LINGO1: variants seen among roughly 807,000 people sequenced by gnomAD.
LINGO1 encodes leucine-rich repeat and immunoglobulin-like domain-containing nogo receptor-interacting protein 1.
In LINGO1, 11 loss-of-function variants were observed where a neutral mutation model predicts 37.3. The ratio of observed to expected loss-of-function variants is 0.29; its 90% CI spans 0.19 to 0.49. LINGO1 has a LOEUF of 0.49. LINGO1 is among the 20% of genes least tolerant of loss of function. The probability of loss-of-function intolerance (pLI) is 0.99; values close to 1 mark genes in which losing one functional copy is unlikely to be tolerated. For synonymous variants in LINGO1, 387 were observed against 403.0 expected, an observed-to-expected ratio of 0.96 and a Z score of 0.48; for missense variants, 585 against 878.2, an observed-to-expected ratio of 0.67 and a Z score of 4.22.
intron 1 of LINGO1, among the ~76,000 whole-genome samples, chr15:77,737,260 A>G (rs1218019989): frequency 6.6e-6 from 1 of 152,212 alleles, no homozygotes; most frequent in Admixed American, 6.5e-5. Flanking sequence ...CCATTTACTC[A>G]GCACCTGTTG....
chr15:77,632,485 C>A lies in LINGO1; in HGVS notation c.-170G>T. 1 of 612,434 alleles carries A rather than the reference C, an allele frequency of 1.6e-6. No homozygotes were observed. Among genetic ancestry groups the A allele is most frequent in the South Asian group, 7.8e-5 (1 of 12,834 alleles). 37.9% of individuals were successfully genotyped at this position (612,434 alleles called of 1,614,324 possible). On this transcript the variant is annotated 5_prime_UTR_variant, in exon 1 of 2. Coordinates refer to ENST00000355300, the MANE Select transcript of LINGO1 (RefSeq NM_032808.7). The surrounding 1 kb of genome is among the most constrained non-coding windows in gnomAD (Gnocchi z 6.0). ...GGGGCTGGCTGTCCGTCTGTCCGCC[C>A]CGCGCGGGCGGGAGCCGAGCCGGAG...
In LINGO1 at chr15:77,743,825, G is replaced by T. The variant is rs1253234746; in HGVS notation, c.-256-8772C>A. On this transcript the variant is annotated intron_variant, in intron 1 of 3. Transcript: ENST00000561686. Reference sequence around the variant, plus strand: ...CTGCTGAAAGCCAGACTGCGGGGGTGGGGGAGTCCTCCCAATCTGGAACAG... The same window carrying T: ...CTGCTGAAAGCCAGACTGCGGGGGTTGGGGAGTCCTCCCAATCTGGAACAG... Among the ~76,000 whole-genome samples, 4 of 152,104 alleles carry T rather than the reference G, an allele frequency of 2.6e-5. No individual in the cohort carries two copies. The South Asian group carries it at 8.3e-4, about 32-fold the overall frequency.
chr15:77,705,772 G>A (rs2075845076), intron 2 of LINGO1, among the ~76,000 whole-genome samples: 1 of 152,250 alleles, frequency 6.6e-6, no homozygotes, highest in South Asian at 2.1e-4. Flanking sequence ...TTGCAGGGTG[G>A]CTGAGGCCTT....
chr15:77,624,161 CTCTG>C (rs1295879223), intron 1 of LINGO1, among the ~76,000 whole-genome samples: 3 of 44,732 alleles, frequency 6.7e-5, no homozygotes, highest in Non-Finnish European at 1.1e-4. Context: ...TGTGAGTGGC[CTCTG>C]TGTGTGTGTG....
intron 1 of LINGO1, among the ~76,000 whole-genome samples, chr15:77,804,406 A>G (rs2076942946): frequency 6.6e-6 from 1 of 152,128 alleles, no homozygotes; most frequent in African/African-American, 2.4e-5. Context: ...AGTCCCTAGA[A>G]GTAGATGGCC....
Position 77,614,028 on chromosome 15 carries a change from GC to G in LINGO1, c.*15del. ...CCTGCCCGGCCGCCCGGGGGTCCCTGCCCCCCGCCCCGGCCTCATATCATCT... is the reference window on the plus strand; with the variant it reads ...CCTGCCCGGCCGCCCGGGGGTCCCTGCCCCCGCCCCGGCCTCATATCATCT... On this transcript the variant is annotated 3_prime_UTR_variant, in exon 2 of 2. Coordinates refer to ENST00000355300, the MANE Select transcript of LINGO1 (RefSeq NM_032808.7). 3.2e-6 allele frequency: 5 copies of G among 1,549,052 alleles called. No homozygotes were observed. Among genetic ancestry groups the G allele is most frequent in the South Asian group, 1.2e-5 (1 of 84,414 alleles).
At chr15:77,693,984 T>A (rs1301786254) in intron 1 of LINGO1, among the ~76,000 whole-genome samples, 1 of 152,094 alleles carries the variant, frequency 6.6e-6, no homozygotes, top group Non-Finnish European at 1.5e-5. Context: ...GAGAAAAGAT[T>A]CCAGGGAAAC....
intron 1 of LINGO1, among the ~76,000 whole-genome samples, chr15:77,625,452 G>T (rs749567236): frequency 5.7e-4 from 87 of 152,186 alleles, no homozygotes; most frequent in Non-Finnish European, 9.4e-4. Context: ...CTTGCTCGGG[G>T]TCAGTGTTAG....
intron 3 of LINGO1, chr15:77,648,459 G>A (rs1469002872): frequency 1.3e-5 from 2 of 153,562 alleles, no homozygotes; most frequent in East Asian, 1.9e-4. Flanking sequence ...CTGAAAACTG[G>A]TGGAGCTGAG....
chr15:77,772,531 C>A (rs1265824019), intron 1 of LINGO1, among the ~76,000 whole-genome samples: 1 of 152,060 alleles, frequency 6.6e-6, no homozygotes, highest in African/African-American at 2.4e-5. Context: ...CAACCTGACA[C>A]CTTGGCTTCC....
At chr15:77,682,555 C>G (rs1309711769) in intron 2 of LINGO1, among the ~76,000 whole-genome samples, 1 of 151,998 alleles carries the variant, frequency 6.6e-6, no homozygotes, top group Non-Finnish European at 1.5e-5. Flanking sequence ...CATGTAGCCC[C>G]CCAAGCCAAA....
intron 2 of LINGO1, among the ~76,000 whole-genome samples, chr15:77,707,994 C>A (rs1318183649): frequency 2.0e-5 from 3 of 152,186 alleles, no homozygotes; most frequent in Non-Finnish European, 4.4e-5. Context: ...GGAACCCTGT[C>A]CCACAGTTTT....
In LINGO1 at chr15:77,794,502, A is replaced by G. The variant is rs188554355; in HGVS notation, c.-343+1437T>C. Among the ~76,000 whole-genome samples, 179 of 129,338 alleles carry G rather than the reference A, an allele frequency of 1.4e-3. 11 individuals are homozygous for G. Among genetic ancestry groups the G allele is most frequent in the African/African-American group, 5.0e-3 (160 of 32,176 alleles). 84.9% of individuals were successfully genotyped at this position (129,338 alleles called of 152,430 possible). On this transcript the variant is annotated intron_variant, in intron 2 of 5. Coordinates refer to the LINGO1 transcript ENST00000562933. ...TATATACATACATATATACGTATAT[A>G]TGTGTATATACATACATATATGTAT... is the stretch of plus-strand genomic sequence containing the variant.
chr15:77,727,288 C>T (rs995047079), intron 2 of LINGO1, among the ~76,000 whole-genome samples: 1 of 152,152 alleles, frequency 6.6e-6, no homozygotes, highest in African/African-American at 2.4e-5. Context: ...TATGTGCACA[C>T]TCATGTTCAT....
intron 1 of LINGO1, among the ~76,000 whole-genome samples, chr15:77,755,759 G>A (rs1364959271): frequency 6.6e-6 from 1 of 152,108 alleles, no homozygotes; most frequent in Non-Finnish European, 1.5e-5. Flanking sequence ...CTCCAGCTCT[G>A]TGCCTTTGTC....
rs1011082085 is a variant in LINGO1, at chr15:77,632,410, C to T, written c.-95G>A. The T allele has an allele frequency of 2.4e-6, 3 of 1,234,392 alleles. No individual in the cohort carries two copies. Among genetic ancestry groups the T allele is most frequent in the Non-Finnish European group, 2.0e-6 (2 of 976,446 alleles). 76.5% of individuals were successfully genotyped at this position (1,234,392 alleles called of 1,614,324 possible). On this transcript the variant is annotated 5_prime_UTR_variant, in exon 1 of 2. Coordinates refer to ENST00000355300, the MANE Select transcript of LINGO1 (RefSeq NM_032808.7). This position sits in a 1 kb window ranked among gnomAD's most constrained non-coding sequence, Gnocchi z 6.0. ...CCCAGCCCCTGCCCAGCCCCCTCCT[C>T]CGTTTCCTCCTCCTCCGACACCTCC... is the stretch of plus-strand genomic sequence containing the variant.
intron 1 of LINGO1, among the ~76,000 whole-genome samples, chr15:77,742,002 C>A (rs2076269278): frequency 6.6e-6 from 1 of 152,194 alleles, no homozygotes. Flanking sequence ...TGGGCAGGGC[C>A]TCCAATGCCA....
At chr15:77,622,159 G>A (rs898243573) in intron 1 of LINGO1, among the ~76,000 whole-genome samples, 6 of 152,306 alleles carry the variant, frequency 3.9e-5, no homozygotes, top group African/African-American at 1.4e-4. Flanking sequence ...GTCTGCCCAG[G>A]GCTCTGCCCA....
At position 77,753,112 on chromosome 15, in the gene LINGO1, T is replaced by C. The variant is rs149800500; in HGVS notation, c.-256-18059A>G. Among the ~76,000 whole-genome samples, 354 of 152,360 alleles carry C rather than the reference T, an allele frequency of 2.3e-3. 1 individual carries two copies. The highest frequency in any genetic ancestry group is 8.2e-3 in the African/African-American group (342 of 41,582). ...TGTCATGGCTGTGGCTGTTGTTTCA[T>C]GGGTCCCGCGTGCTGGAGAGAACAG... is the stretch of plus-strand genomic sequence containing the variant. On this transcript the variant is annotated intron_variant, in intron 1 of 3. Coordinates refer to the LINGO1 transcript ENST00000561686.
Sources: allele counts gnomAD v4.1 joint callset (sites outside exome capture counted in the v4.1 genomes callset), GRCh38; gene constraint gnomAD v4.1.1; non-coding constraint Gnocchi (gnomAD v3.1); transcripts MANE v1.5; gene names NCBI Gene and HGNC (gene_info 2026-07-23, HGNC 2026-07-21).